FAM81A: variants seen among roughly 807,000 people sequenced by gnomAD.
The protein encoded by FAM81A is family with sequence similarity 81 member A, also known as protein FAM81A.
A neutral mutation model predicts 46.7 loss-of-function variants in FAM81A; 19 were observed. That is an observed-to-expected ratio of 0.41 (90% CI 0.28 to 0.60). FAM81A has a LOEUF of 0.60. Among genes scored for constraint, FAM81A ranks in the 20% least tolerant of loss-of-function variants. The pLI, the probability that FAM81A is intolerant of heterozygous loss-of-function variation, is 0.34. For missense variants in FAM81A, 377 were observed against 453.5 expected, an observed-to-expected ratio of 0.83 and a Z score of 1.53; for synonymous variants, 183 against 152.9, an observed-to-expected ratio of 1.20 and a Z score of -1.45.
intron 6 of FAM81A, among the ~76,000 whole-genome samples, chr15:59,512,537 T>C (rs1393320962): frequency 1.2e-5 from 1 of 83,100 alleles, no homozygotes; most frequent in African/African-American, 4.6e-5. Context: ...TCCAAACCAA[T>C]AGAATAAAAT....
chr15:59,401,231 A>G lies in FAM81A; in HGVS notation c.-160-1045A>G. ...ATATGAAATTGCTGTCGAACCAGTA[A>G]GACTGCATTTATGCATCCATCATTT... On this transcript the variant is annotated intron_variant, in intron 1 of 4. Transcript: ENST00000558348. 1.9e-6 allele frequency: 2 copies of G among 1,038,168 alleles called. 1 individual carries two copies. Among genetic ancestry groups the G allele is most frequent in the South Asian group, 2.5e-5 (2 of 79,560 alleles). 64.3% of individuals were successfully genotyped at this position (1,038,168 alleles called of 1,614,324 possible). A position where few individuals can be genotyped will look rare whatever the true frequency, so the allele number is the denominator to read the frequency against.
At chr15:59,437,851 C>A (rs1194089754), upstream of FAM81A, among the ~76,000 whole-genome samples, 1 of 152,208 alleles carries the variant, frequency 6.6e-6, no homozygotes, top group African/African-American at 2.4e-5. Flanking sequence ...ATCCCTACAA[C>A]AGGATTTATT....
At chr15:59,493,265 G>A (rs1472792381) in intron 4 of FAM81A, among the ~76,000 whole-genome samples, 3 of 152,304 alleles carry the variant, frequency 2.0e-5, no homozygotes, top group East Asian at 3.9e-4. Context: ...ACAACGTGTC[G>A]AGGGCCTTGA....
intron 2 of FAM81A, among the ~76,000 whole-genome samples, chr15:59,421,909 A>G (rs1049053754): frequency 1.6e-5 from 2 of 123,152 alleles, no homozygotes; most frequent in Admixed American, 8.0e-5. Flanking sequence ...CTATCTATCT[A>G]TCTATCTATC....
Position 59,492,374 on chromosome 15 carries a change from G to C in FAM81A, c.398G>C (p.Arg133Pro). 6.2e-7 allele frequency: 1 copy of C among 1,613,188 alleles called. No homozygotes were observed. Among genetic ancestry groups the C allele is most frequent in the Non-Finnish European group, 8.5e-7 (1 of 1,179,590 alleles). Residue 133 changes from arginine (R) to proline (P), a missense_variant, in exon 4 of 9, where the codon CGA becomes CCA. Arg to Pro is a moderately radical substitution (Grantham distance 103). Coordinates refer to ENST00000288228, the MANE Select transcript of FAM81A (RefSeq NM_152450.3). ...CAGCTCTCCGGTTTGGGAGATCTTC[G>C]AGGAAGAGTGGCAAGGTAGGTGTTC... Reference protein sequence around the residue: ...MRQLSGLGDLRGRVARCDASI... With the variant: ...MRQLSGLGDLPGRVARCDASI...
At chr15:59,399,222 A>G (rs930321931) in intron 1 of FAM81A, among the ~76,000 whole-genome samples, 2 of 152,178 alleles carry the variant, frequency 1.3e-5, no homozygotes, top group Admixed American at 6.6e-5. Context: ...CATCATATTC[A>G]TATAGAGGAA....
chr15:59,489,160 G>T, intron 3 of FAM81A, among the ~76,000 whole-genome samples: 1 of 152,028 alleles, frequency 6.6e-6, no homozygotes, highest in East Asian at 1.9e-4. Flanking sequence ...AGCTACTCGG[G>T]AGGCTGAGGC....
chr15:59,507,147 T>C, intron 4 of FAM81A, 66 bp from the exon 5 acceptor site: 2 of 1,545,540 alleles, frequency 1.3e-6, no homozygotes, highest in Non-Finnish European at 1.8e-6. Context: ...TCAGAGTGTA[T>C]AAGGAAGCTT....
At chr15:59,515,234 ACT>A (rs1209910309) in intron 7 of FAM81A, among the ~76,000 whole-genome samples, 1 of 151,994 alleles carries the variant, frequency 6.6e-6, no homozygotes, top group African/African-American at 2.4e-5. Context: ...ACAGAGTGAG[ACT>A]CTATCTCAAA....
chr15:59,471,592 G>T (rs2081691195), intron 3 of FAM81A, among the ~76,000 whole-genome samples: 1 of 152,040 alleles, frequency 6.6e-6, no homozygotes, highest in South Asian at 2.1e-4. Context: ...CCTCTAAGTA[G>T]CTGGGACTAC....
intron 4 of FAM81A, among the ~76,000 whole-genome samples, chr15:59,498,105 C>T (rs2082053250): frequency 1.3e-5 from 2 of 152,172 alleles, no homozygotes; most frequent in African/African-American, 2.4e-5. Context: ...TCACTTTGGC[C>T]TCCCAAAGTG....
intron 3 of FAM81A, among the ~76,000 whole-genome samples, chr15:59,486,155 GGCAACAAGA>G (rs1246111981): frequency 5.9e-5 from 9 of 151,784 alleles, no homozygotes; most frequent in Non-Finnish European, 1.0e-4. Flanking sequence ...CTCCATCCTG[GGCAACAAGA>G]GCAACACTCT....
chr15:59,478,683 G>C (rs138569036), intron 3 of FAM81A, among the ~76,000 whole-genome samples: 1 of 152,206 alleles, frequency 6.6e-6, no homozygotes, highest in South Asian at 2.1e-4. Context: ...TAGATGTGGC[G>C]TGTTGTATGC....
At chr15:59,498,143 C>T (rs1000627857) in intron 4 of FAM81A, among the ~76,000 whole-genome samples, 1 of 152,220 alleles carries the variant, frequency 6.6e-6, no homozygotes, top group African/African-American at 2.4e-5. Flanking sequence ...AGTCACCATG[C>T]CTGGCCCCAA....
intron 4 of FAM81A, among the ~76,000 whole-genome samples, chr15:59,496,555 A>G (rs1464967856): frequency 6.6e-6 from 1 of 152,170 alleles, no homozygotes; most frequent in Non-Finnish European, 1.5e-5. Flanking sequence ...TAGTGAGCCA[A>G]GATCTCGCCA....
chr15:59,459,982 T>C lies in FAM81A; in HGVS notation c.70T>C (p.Tyr24His), dbSNP rs989447797. 6.2e-7 allele frequency: 1 copy of C among 1,612,432 alleles called. No homozygotes were observed. The change falls in exon 3 of 9, where the codon TAC becomes CAC. Residue 24 changes from tyrosine (Y) to histidine (H), a missense_variant. Tyr to His is a moderately conservative substitution (Grantham distance 83). Transcript: ENST00000288228. ...CAGCCAGTCCCTGACCATGGCACCA[T>C]ACTCATCTGTAAGCCTCGTGGAGCA... ...RHSQSLTMAP[Y>H]SSVSLVEQLE...
chr15:59,468,266 T>C (rs2081640555), intron 3 of FAM81A, among the ~76,000 whole-genome samples: 1 of 152,214 alleles, frequency 6.6e-6, no homozygotes, highest in Admixed American at 6.5e-5. Flanking sequence ...CTGATTGGAA[T>C]AGTTTCAGAA....
intron 6 of FAM81A, among the ~76,000 whole-genome samples, chr15:59,513,535 G>A (rs559430889): frequency 9.2e-5 from 14 of 152,284 alleles, no homozygotes; most frequent in African/African-American, 1.2e-4. Context: ...GTATTCTCCC[G>A]CCTTACCAGC....
rs564167311 is a variant in FAM81A at position 59,470,537 on chromosome 15, A to G, written c.294+10331A>G. 1.3e-4 allele frequency among the ~76,000 whole-genome samples: 20 copies of G among 152,280 alleles called. No individual in the cohort carries two copies. In the South Asian group the frequency reaches 3.1e-3, roughly 24 times the overall value. ...GCATGCATCACGAAGTTCTCGTGCC[A>G]TGGTTTTCAGCTCCATCAGGTCATT... On this transcript the variant is annotated intron_variant, in intron 3 of 8. Coordinates refer to ENST00000288228, the MANE Select transcript of FAM81A (RefSeq NM_152450.3).
Sources: allele counts gnomAD v4.1 joint callset (sites outside exome capture counted in the v4.1 genomes callset), GRCh38; gene constraint gnomAD v4.1.1; transcripts MANE v1.5; gene names NCBI Gene and HGNC (gene_info 2026-07-23, HGNC 2026-07-21).